The following CDH13 variants were observed in gnomAD, a reference collection of about 807,000 sequenced individuals.
CDH13 encodes cadherin 13.
In CDH13, 24 loss-of-function variants were observed where a neutral mutation model predicts 63.8. The observed-to-expected ratio is 0.38, with a 90% CI of 0.27 to 0.53. The LOEUF (loss-of-function observed/expected upper bound fraction) is 0.53, where lower values mean the gene tolerates loss of function less well. Ranked by LOEUF, CDH13 falls within the 20% of genes least tolerant of loss-of-function variation. The probability of loss-of-function intolerance (pLI) is 0.85; values close to 1 mark genes in which losing one functional copy is unlikely to be tolerated. For synonymous variants in CDH13, 503 were observed against 355.3 expected, an observed-to-expected ratio of 1.42 and a Z score of -4.67; for missense variants, 1,049 against 903.1, an observed-to-expected ratio of 1.16 and a Z score of -2.07.
At chr16:83,196,379 G>A (rs1396105123) in intron 4 of CDH13, among the ~76,000 whole-genome samples, 1 of 152,180 alleles carries the variant, frequency 6.6e-6, no homozygotes, top group African/African-American at 2.4e-5. Flanking sequence ...AGGCTAGGCA[G>A]AGTTCTTATA....
chr16:82,771,476 G>A (rs1379702562), intron 1 of CDH13, among the ~76,000 whole-genome samples: 1 of 152,190 alleles, frequency 6.6e-6, no homozygotes, highest in Non-Finnish European at 1.5e-5. Context: ...AATCTATTCT[G>A]CCGTCAGCAT....
chr16:83,328,508 C>T (rs79582868), intron 5 of CDH13, among the ~76,000 whole-genome samples: 10,646 of 152,194 alleles, frequency 0.07, 475 homozygotes, highest in Middle Eastern at 0.14. Flanking sequence ...GGCCAATTTA[C>T]GTATTCAAAG....
chr16:83,760,488 G>A (rs750332360), intron 11 of CDH13, among the ~76,000 whole-genome samples: 2 of 152,190 alleles, frequency 1.3e-5, no homozygotes, highest in Non-Finnish European at 2.9e-5. Context: ...TTCACAAAAT[G>A]GCATCTGTAC....
At chr16:83,109,439 T>G (rs1402868979) in intron 3 of CDH13, among the ~76,000 whole-genome samples, 1 of 152,052 alleles carries the variant, frequency 6.6e-6, no homozygotes, top group Non-Finnish European at 1.5e-5. Context: ...TATGTTGAGT[T>G]TTAGGTGCCT....
intron 8 of CDH13, among the ~76,000 whole-genome samples, chr16:83,623,412 T>C (rs1301227088): frequency 6.6e-6 from 1 of 152,158 alleles, no homozygotes; most frequent in African/African-American, 2.4e-5. Flanking sequence ...TTGCAATCGG[T>C]TTCTGCGTCT....
intron 9 of CDH13, among the ~76,000 whole-genome samples, chr16:83,672,799 A>T (rs1165107059): frequency 6.6e-6 from 1 of 152,154 alleles, no homozygotes. Context: ...GCTCCAGGAT[A>T]TGTGATGGAG....
intron 2 of CDH13, among the ~76,000 whole-genome samples, chr16:82,961,962 C>A (rs11150527): frequency 0.16 from 24,298 of 152,108 alleles, 2,009 homozygotes; most frequent in Middle Eastern, 0.21. Flanking sequence ...GTGGAGAAAC[C>A]CTAGGCTTAT....
At chr16:83,455,848 C>G (rs2041143661) in intron 6 of CDH13, among the ~76,000 whole-genome samples, 1 of 152,226 alleles carries the variant, frequency 6.6e-6, no homozygotes, top group African/African-American at 2.4e-5. Context: ...CTTCTCTGTG[C>G]TAGCTGGAAA....
intron 2 of CDH13, among the ~76,000 whole-genome samples, chr16:83,021,807 C>T (rs887304907): frequency 6.6e-6 from 1 of 152,196 alleles, no homozygotes; most frequent in South Asian, 2.1e-4. Flanking sequence ...AGAAGCTCTG[C>T]AATGTCAGTG....
At chr16:83,544,962 A>G (rs2075359312) in intron 7 of CDH13, among the ~76,000 whole-genome samples, 1 of 152,208 alleles carries the variant, frequency 6.6e-6, no homozygotes, top group African/African-American at 2.4e-5. Flanking sequence ...TATAGGTATG[A>G]TATGTAATTC....
intron 6 of CDH13, among the ~76,000 whole-genome samples, chr16:83,357,038 T>A (rs1023834122): frequency 1.3e-5 from 2 of 152,188 alleles, no homozygotes; most frequent in Non-Finnish European, 2.9e-5. Context: ...ATAAAAGGCT[T>A]CTAACATGGA....
intron 5 of CDH13, 114 bp downstream of exon 5, chr16:83,217,611 C>T (rs1235750504): frequency 1.9e-6 from 2 of 1,044,688 alleles, no homozygotes; most frequent in Non-Finnish European, 1.4e-6. Context: ...GACTGCATGG[C>T]TTTAGGGTGT....
intron 2 of CDH13, among the ~76,000 whole-genome samples, chr16:82,939,948 G>T (rs1275755553): frequency 6.6e-6 from 1 of 152,178 alleles, no homozygotes; most frequent in Non-Finnish European, 1.5e-5. Flanking sequence ...CACAATCATG[G>T]TGGAAGGTGA....
At chr16:82,757,018 C>A (rs1182052570) in intron 1 of CDH13, among the ~76,000 whole-genome samples, 3 of 152,148 alleles carry the variant, frequency 2.0e-5, no homozygotes, top group Non-Finnish European at 4.4e-5. Context: ...TCTTTCTTTG[C>A]CTGGCAAACT....
At chr16:82,870,138 C>G (rs554482431) in intron 2 of CDH13, among the ~76,000 whole-genome samples, 1 of 151,850 alleles carries the variant, frequency 6.6e-6, no homozygotes, top group Non-Finnish European at 1.5e-5. Flanking sequence ...AAAAAAAAAT[C>G]TCATTAAAAA....
chr16:83,324,216 C>A (rs957284354), intron 5 of CDH13, among the ~76,000 whole-genome samples: 1 of 151,944 alleles, frequency 6.6e-6, no homozygotes, highest in African/African-American at 2.4e-5. Flanking sequence ...TTTGTGTTTT[C>A]AATAGAGACA....
At chr16:82,691,498 C>T (rs140044352) in intron 1 of CDH13, among the ~76,000 whole-genome samples, 2,048 of 152,262 alleles carry the variant, frequency 0.013, 33 homozygotes, top group Non-Finnish European at 0.02. Flanking sequence ...TTCGGCAGTA[C>T]CTTACTCATT....
chr16:82,996,875 T>G (rs1175400489), intron 2 of CDH13, among the ~76,000 whole-genome samples: 1 of 137,068 alleles, frequency 7.3e-6, no homozygotes. Flanking sequence ...TGATGATGAT[T>G]CTAGTGATGG....
At chr16:82,867,565 G>A (rs2040192458) in intron 2 of CDH13, among the ~76,000 whole-genome samples, 1 of 152,130 alleles carries the variant, frequency 6.6e-6, no homozygotes, top group African/African-American at 2.4e-5. Flanking sequence ...ACTGACCTTG[G>A]TTAGCAGCCA....
Sources: gnomAD v4.1 joint callset for allele counts (sites outside exome capture counted in the v4.1 genomes callset) on GRCh38, gnomAD v4.1.1 for gene constraint, MANE v1.5 for transcripts, NCBI Gene and HGNC (gene_info 2026-07-23, HGNC 2026-07-21) for gene names.